Variants in CHRM3 observed in about 807,000 individuals in gnomAD.
The protein encoded by CHRM3 is muscarinic acetylcholine receptor M3.
CHRM3 carries 11 observed loss-of-function variants against 41.8 expected under a neutral mutation model. The ratio of observed to expected loss-of-function variants is 0.26; its 90% CI spans 0.17 to 0.44. The LOEUF is 0.44. Among genes scored for constraint, CHRM3 ranks in the 20% least tolerant of loss-of-function variants. The probability of loss-of-function intolerance (pLI) is 1.00; values close to 1 mark genes in which losing one functional copy is unlikely to be tolerated. For missense variants in CHRM3, 571 were observed against 745.4 expected (o/e 0.77, Z 2.72); for synonymous variants, 297 against 301.4 (o/e 0.99, Z 0.15).
chr1:239,677,195 C>T (rs1658096731), intron 4 of CHRM3, among the ~76,000 whole-genome samples: 1 of 152,090 alleles, frequency 6.6e-6, no homozygotes, highest in Non-Finnish European at 1.5e-5. Context: ...TGATCTACAT[C>T]TAACTTGGCC....
intron 5 of CHRM3, among the ~76,000 whole-genome samples, chr1:239,762,012 G>A (rs751596549): frequency 2.0e-5 from 3 of 152,186 alleles, no homozygotes; most frequent in African/African-American, 4.8e-5. Context: ...AATGATCCTC[G>A]GGTTCACTTT....
At chr1:239,692,030 A>G (rs1659767370) in intron 5 of CHRM3, among the ~76,000 whole-genome samples, 1 of 152,222 alleles carries the variant, frequency 6.6e-6, no homozygotes, top group African/African-American at 2.4e-5. Flanking sequence ...AGTTTCCTCG[A>G]GACTCCTTTC....
At chr1:239,765,898 C>T (rs1667165204) in intron 5 of CHRM3, among the ~76,000 whole-genome samples, 1 of 150,684 alleles carries the variant, frequency 6.6e-6, no homozygotes, top group Admixed American at 6.6e-5. Flanking sequence ...CTCACTGCAA[C>T]CTCCACCTTC....
rs529391876 is a variant in CHRM3 at position 239,913,113 on chromosome 1, A to G, written c.*3889A>G. 1 of 167,186 alleles carries G rather than the reference A, an allele frequency of 6.0e-6. No individual in the cohort carries two copies. Among genetic ancestry groups the G allele is most frequent in the African/African-American group, 2.4e-5 (1 of 41,560 alleles). 10.4% of individuals were successfully genotyped at this position (167,186 alleles called of 1,614,324 possible). On this transcript the variant is annotated 3_prime_UTR_variant, in exon 7 of 7. Coordinates refer to ENST00000676153, the MANE Select transcript of CHRM3 (RefSeq NM_001375978.1). ...TTCAGATTTTATATTCTGTAAAGTT[A>G]TTTACTTACTCTATTTCAACACCAC...
intron 5 of CHRM3, among the ~76,000 whole-genome samples, chr1:239,725,536 G>C (rs1408171838): frequency 6.6e-6 from 1 of 151,830 alleles, no homozygotes; most frequent in Non-Finnish European, 1.5e-5. Context: ...TAACATAATT[G>C]CCTCATTTAT....
chr1:239,607,470 C>A (rs1666472294), intron 3 of CHRM3, among the ~76,000 whole-genome samples: 1 of 151,916 alleles, frequency 6.6e-6, no homozygotes, highest in South Asian at 2.1e-4. Flanking sequence ...GTTTTTATGT[C>A]CCTAGGGAAT....
chr1:239,672,045 A>T (rs963085039), intron 4 of CHRM3, among the ~76,000 whole-genome samples: 13 of 152,304 alleles, frequency 8.5e-5, no homozygotes, highest in Non-Finnish European at 1.5e-4. Context: ...AATGAAAGGC[A>T]TGTTGGTAAA....
intron 4 of CHRM3, among the ~76,000 whole-genome samples, chr1:239,667,442 A>C (rs1357168101): frequency 6.6e-6 from 1 of 152,150 alleles, no homozygotes; most frequent in East Asian, 1.9e-4. Context: ...CATATGCACC[A>C]TTACAAGGCC....
chr1:239,662,185 T>G (rs753930004), intron 4 of CHRM3, among the ~76,000 whole-genome samples: 2 of 151,650 alleles, frequency 1.3e-5, no homozygotes, highest in Non-Finnish European at 2.9e-5. Context: ...GTTTGAAAGC[T>G]GTCGTTTTAG....
At chr1:239,455,212 T>G (rs941372244) in intron 1 of CHRM3, among the ~76,000 whole-genome samples, 3 of 151,992 alleles carry the variant, frequency 2.0e-5, no homozygotes, top group Non-Finnish European at 4.4e-5. Flanking sequence ...CTACCACGCC[T>G]GGTTAATTTT....
At chr1:239,743,491 C>A (rs1348181911) in intron 5 of CHRM3, among the ~76,000 whole-genome samples, 1 of 152,182 alleles carries the variant, frequency 6.6e-6, no homozygotes, top group Non-Finnish European at 1.5e-5. Flanking sequence ...TAGCAGCTGA[C>A]ATGGATTGAG....
chr1:239,782,471 T>A (rs614992), intron 5 of CHRM3, among the ~76,000 whole-genome samples: 3 of 151,810 alleles, frequency 2.0e-5, no homozygotes, highest in Non-Finnish European at 2.9e-5. Context: ...CTCTCGATTA[T>A]GATTTAGTAA....
intron 2 of CHRM3, among the ~76,000 whole-genome samples, chr1:239,496,888 CT>C (rs1667923092): frequency 6.6e-6 from 1 of 152,000 alleles, no homozygotes; most frequent in Non-Finnish European, 1.5e-5. Context: ...GCCAGTCCTC[CT>C]ATGTGTATAT....
rs975808805 is a variant in CHRM3 at position 239,910,686 on chromosome 1, G to A, written c.*1462G>A. 6.1e-6 allele frequency: 1 copy of A among 164,482 alleles called. No homozygotes were observed. Among genetic ancestry groups the A allele is most frequent in the Non-Finnish European group, 1.5e-5 (1 of 67,740 alleles). 10.2% of individuals were successfully genotyped at this position (164,482 alleles called of 1,614,324 possible). ...GGGTGCTGCCATCATTGTCGTTGTTGTTGCTGCTGTAGCTGTTGGGGTTTC... is the reference window on the plus strand; with the variant it reads ...GGGTGCTGCCATCATTGTCGTTGTTATTGCTGCTGTAGCTGTTGGGGTTTC... On this transcript the variant is annotated 3_prime_UTR_variant, in exon 7 of 7. Transcript: ENST00000676153.
intron 6 of CHRM3, among the ~76,000 whole-genome samples, chr1:239,859,098 G>T (rs571445573): frequency 1.2e-4 from 18 of 152,122 alleles, no homozygotes; most frequent in Admixed American, 9.2e-4. Context: ...ATTTCTTCTG[G>T]GCATATACCT....
chr1:239,664,888 G>A (rs1673613926), intron 4 of CHRM3, among the ~76,000 whole-genome samples: 1 of 151,986 alleles, frequency 6.6e-6, no homozygotes, highest in Admixed American at 6.6e-5. Flanking sequence ...TAGCGGCTTT[G>A]CCAAATCTCC....
chr1:239,679,985 G>T (rs1485042722), intron 5 of CHRM3, among the ~76,000 whole-genome samples: 2 of 151,872 alleles, frequency 1.3e-5, no homozygotes, highest in African/African-American at 4.8e-5. Flanking sequence ...CACCTCTCAG[G>T]GTGGACCGCG....
chr1:239,433,901 G>A (rs1315298592), intron 1 of CHRM3, among the ~76,000 whole-genome samples: 1 of 152,112 alleles, frequency 6.6e-6, no homozygotes, highest in Non-Finnish European at 1.5e-5. Context: ...TTTTGCAATT[G>A]TGGATTTTGC....
rs1480246965 is a variant in CHRM3 at position 239,399,333 on chromosome 1, GA to G, written c.-521+12107del. 5.0e-5 allele frequency among the ~76,000 whole-genome samples: 7 copies of G among 140,078 alleles called. No individual in the cohort carries two copies. The East Asian group carries it at 1.2e-3, about 24-fold the overall frequency. 91.9% of individuals were successfully genotyped at this position (140,078 alleles called of 152,430 possible). On this transcript the variant is annotated intron_variant, in intron 1 of 6. Transcript: ENST00000676153. Reference sequence around the variant, plus strand: ...ACTAATTAATATATCCATGACCTCTGATTTTTTTTTTTTTTTTTGCTGTGAG... The same window carrying G: ...ACTAATTAATATATCCATGACCTCTGTTTTTTTTTTTTTTTTTGCTGTGAG...
Sources: allele counts gnomAD v4.1 joint callset (sites outside exome capture counted in the v4.1 genomes callset), GRCh38; gene constraint gnomAD v4.1.1; transcripts MANE v1.5; gene names NCBI Gene and HGNC (gene_info 2026-07-23, HGNC 2026-07-21).